ATM: variants seen among roughly 807,000 people sequenced by gnomAD.
ATM encodes the protein serine-protein kinase ATM.
A neutral mutation model predicts 387.0 loss-of-function variants in ATM; 308 were observed. That is an observed-to-expected ratio of 0.80 (90% confidence interval 0.73 to 0.87). ATM has a LOEUF of 0.87. ATM is among the 40% of genes least tolerant of loss of function. ATM has a pLI of 0.00. For missense variants in ATM, 3,312 were observed against 3,560.9 expected (o/e 0.93, Z 1.78); for synonymous variants, 1,156 against 1,187.3 (o/e 0.97, Z 0.54).
chr11:108,348,683 A>C (rs922527404), intron 59 of ATM, among the ~76,000 whole-genome samples: 1 of 152,144 alleles, frequency 6.6e-6, no homozygotes, highest in African/African-American at 2.4e-5. Context: ...AAAATAATTA[A>C]AGGAAATAAG....
intron 40 of ATM, among the ~76,000 whole-genome samples, chr11:108,314,369 G>T (rs972724058): frequency 1.3e-5 from 2 of 152,076 alleles, no homozygotes; most frequent in Non-Finnish European, 2.9e-5. Flanking sequence ...GCTACCCAAA[G>T]TACTGGGATT....
chr11:108,357,737 G>C (rs889031086), intron 61 of ATM, among the ~76,000 whole-genome samples: 6 of 152,152 alleles, frequency 3.9e-5, no homozygotes, highest in African/African-American at 4.8e-5. Flanking sequence ...TGAGGGTCTT[G>C]TCTGTTAGAA....
intron 5 of ATM, among the ~76,000 whole-genome samples, chr11:108,243,340 C>T (rs2079660001): frequency 6.6e-6 from 1 of 152,118 alleles, no homozygotes; most frequent in South Asian, 2.1e-4. Flanking sequence ...AGGCCAGGCC[C>T]AGTGGCTCAT....
At chr11:108,323,960 A>G (rs2085417093) in intron 45 of ATM, among the ~76,000 whole-genome samples, 1 of 152,188 alleles carries the variant, frequency 6.6e-6, no homozygotes, top group Admixed American at 6.5e-5. Context: ...TGCCATGCTC[A>G]CTAAGTTTTG....
chr11:108,277,601 A>G (rs1303463302), intron 22 of ATM, among the ~76,000 whole-genome samples: 5 of 152,046 alleles, frequency 3.3e-5, no homozygotes, highest in East Asian at 1.9e-4. Flanking sequence ...CCCTCACAGC[A>G]TAGTCCCTCA....
intron 1 of ATM, chr11:108,226,991 C>T (rs906917373): frequency 6.6e-6 from 1 of 152,168 alleles, no homozygotes; most frequent in Non-Finnish European, 1.5e-5. Context: ...TTTCTTTGGT[C>T]TCAGAGTAAT....
At chr11:108,362,985 A>T (rs2090964013) in intron 61 of ATM, among the ~76,000 whole-genome samples, 2 of 152,078 alleles carry the variant, frequency 1.3e-5, no homozygotes, top group African/African-American at 2.4e-5. Context: ...AACAAAACAA[A>T]CAAACAAAAA....
chr11:108,317,045 C>T (rs867763958), intron 42 of ATM, among the ~76,000 whole-genome samples: 8 of 151,630 alleles, frequency 5.3e-5, no homozygotes, highest in Non-Finnish European at 1.2e-4. Context: ...GGGCACCTCT[C>T]GCTTCAGCCA....
At chr11:108,280,532 T>C (rs1006957133) in intron 23 of ATM, among the ~76,000 whole-genome samples, 1 of 152,140 alleles carries the variant, frequency 6.6e-6, no homozygotes, top group Non-Finnish European at 1.5e-5. Context: ...TGTGTGTGTG[T>C]GTGTGATACG....
At position 108,325,591 on chromosome 11, in the gene ATM, T is replaced by G. The variant is rs1439838236; in HGVS notation, c.6807+47T>G. On this transcript the variant is annotated intron_variant, in intron 46 of 62. Coordinates refer to ENST00000675843, the MANE Select transcript of ATM (RefSeq NM_000051.4). ...GTCATCTTACCTCTTGACTTTCCTTTTATTATTTAAAAAACAGAAAGCCTG... is the reference window on the plus strand; with the variant it reads ...GTCATCTTACCTCTTGACTTTCCTTGTATTATTTAAAAAACAGAAAGCCTG... The G allele has an allele frequency of 8.1e-6, 12 of 1,480,456 alleles. No homozygotes were observed. The African/African-American group carries it at 1.5e-4, about 19-fold the overall frequency. The allele number at this position is 1,480,456 out of a possible 1,614,324, so 91.7% of individuals were successfully genotyped here.
Position 108,229,236 on chromosome 11 carries a change from G to A in ATM, c.244G>A (p.Val82Ile), listed in dbSNP as rs1412024666. 2 of 1,613,584 alleles carry A rather than the reference G, an allele frequency of 1.2e-6. No individual in the cohort carries two copies. Among genetic ancestry groups the A allele is most frequent in the South Asian group, 1.1e-5 (1 of 91,016 alleles). Residue 82 changes from valine to isoleucine, a missense_variant, in exon 4 of 63, where the codon GTA becomes ATA. Coordinates refer to ENST00000675843, the MANE Select transcript of ATM (RefSeq NM_000051.4). ...ATGTCTGAGAATAGCAAAACCAAAT[G>A]TATCAGCCTCAACACAAGCCTCCAG... ...TECLRIAKPN[V>I]SASTQASRQK...
intron 34 of ATM, among the ~76,000 whole-genome samples, chr11:108,300,984 A>C (rs1349256923): frequency 6.6e-6 from 1 of 150,464 alleles, no homozygotes; most frequent in Non-Finnish European, 1.5e-5. Flanking sequence ...GTAACCCCAA[A>C]TTCTTGGGCT....
At chr11:108,287,748 T>G in intron 27 of ATM, 33 bp downstream of exon 27, 44 of 1,444,648 alleles carry the variant, frequency 3.0e-5, no homozygotes, top group Non-Finnish European at 4.0e-5. Flanking sequence ...GAACTAGCTC[T>G]AACTTCACAA....
At position 108,264,092 on chromosome 11, in the gene ATM, A is replaced by G. The variant is rs926844358; in HGVS notation, c.2467-3079A>G. 6.4e-4 allele frequency among the ~76,000 whole-genome samples: 97 copies of G among 151,784 alleles called. 1 individual carries two copies. The highest frequency in any genetic ancestry group is 2.3e-3 in the African/African-American group (94 of 41,194). Reference sequence around the variant, plus strand: ...TACCATTCCTTCTGAAACTATTCCAATCAATAGAAAAAGAGGGAATCCTCC... The same window carrying G: ...TACCATTCCTTCTGAAACTATTCCAGTCAATAGAAAAAGAGGGAATCCTCC... On this transcript the variant is annotated intron_variant, in intron 16 of 62. Coordinates refer to ENST00000675843, the MANE Select transcript of ATM (RefSeq NM_000051.4).
intron 45 of ATM, 146 bp from the exon 46 acceptor site, chr11:108,325,164 G>T: frequency 1.7e-6 from 1 of 604,962 alleles, no homozygotes; most frequent in Non-Finnish European, 2.8e-6. Flanking sequence ...CCATATGTAG[G>T]ATTATTTACA....
At chr11:108,333,827 C>A in intron 53 of ATM, 59 bp from the exon 54 acceptor site, 1 of 1,339,900 alleles carries the variant, frequency 7.5e-7, no homozygotes, top group African/African-American at 1.4e-5. Context: ...ACTATTCCTG[C>A]TTGACCTTCA....
intron 31 of ATM, among the ~76,000 whole-genome samples, chr11:108,294,601 T>A (rs1287031436): frequency 6.6e-6 from 1 of 152,184 alleles, no homozygotes; most frequent in African/African-American, 2.4e-5. Context: ...TAGCTGGGCG[T>A]GGTGGCACAT....
At chr11:108,301,612 G>A (rs769410526) in intron 34 of ATM, 36 bp from the exon 35 acceptor site, 2 of 1,611,918 alleles carry the variant, frequency 1.2e-6, no homozygotes, top group African/African-American at 2.7e-5. Context: ...ATTAATAACT[G>A]GTGTACTTGA....
At chr11:108,234,442 A>C (rs1043942595) in intron 4 of ATM, among the ~76,000 whole-genome samples, 1 of 152,210 alleles carries the variant, frequency 6.6e-6, no homozygotes, top group Non-Finnish European at 1.5e-5. Context: ...ATGATAATTA[A>C]ATTATTTTTA....
Sources: gnomAD v4.1 joint callset for allele counts (sites outside exome capture counted in the v4.1 genomes callset) on GRCh38, gnomAD v4.1.1 for gene constraint, MANE v1.5 for transcripts, NCBI Gene and HGNC (gene_info 2026-07-23, HGNC 2026-07-21) for gene names.